WBP4: variants seen among roughly 807,000 people sequenced by gnomAD.
The protein encoded by WBP4 is WW domain binding protein 4, also known as WW domain-binding protein 4.
Under a neutral mutation model 55.4 loss-of-function variants are expected in WBP4, and 37 were observed. That is an observed-to-expected ratio of 0.67 (90% CI 0.51 to 0.88). The LOEUF (loss-of-function observed/expected upper bound fraction) is 0.88, where lower values mean the gene tolerates loss of function less well. WBP4 is among the 40% of genes least tolerant of loss of function. WBP4 has a pLI of 0.00. For synonymous variants in WBP4, 142 were observed against 140.2 expected (o/e 1.01, Z -0.09); for missense variants, 398 against 420.8 (o/e 0.95, Z 0.47).
chr13:41,063,194 C>CTCTGTTAGGTATGTTGT (rs1491180331), intron 2 of WBP4, among the ~76,000 whole-genome samples: 1 of 151,664 alleles, frequency 6.6e-6, no homozygotes, highest in Non-Finnish European at 1.5e-5. Flanking sequence ...AAAGTAACAA[C>CTCTGTTAGGTATGTTGT]TCTGTTAGGT....
At chr13:41,064,221 T>A (rs1342921984) in intron 2 of WBP4, among the ~76,000 whole-genome samples, 4 of 152,158 alleles carry the variant, frequency 2.6e-5, no homozygotes, top group Non-Finnish European at 5.9e-5. Flanking sequence ...GAGCTCCCTT[T>A]GTATCCATAC....
intron 4 of WBP4, among the ~76,000 whole-genome samples, chr13:41,067,357 A>G (rs749462196): frequency 5.9e-5 from 9 of 152,224 alleles, no homozygotes; most frequent in Non-Finnish European, 1.2e-4. Context: ...CAAAACAACA[A>G]CAAAACATTT....
intron 5 of WBP4, among the ~76,000 whole-genome samples, chr13:41,071,173 T>C (rs1878228525): frequency 6.6e-6 from 1 of 152,240 alleles, no homozygotes; most frequent in East Asian, 1.9e-4. Flanking sequence ...TTCTGAGTTC[T>C]TATTCAGTTT....
chr13:41,069,578 C>T (rs1156319337), intron 5 of WBP4, among the ~76,000 whole-genome samples: 1 of 151,426 alleles, frequency 6.6e-6, no homozygotes, highest in African/African-American at 2.4e-5. Flanking sequence ...AGGAGAATGG[C>T]GTGAACCCAG....
chr13:41,071,092 C>T (rs1194946759), intron 5 of WBP4, among the ~76,000 whole-genome samples: 2 of 152,162 alleles, frequency 1.3e-5, no homozygotes, highest in South Asian at 2.1e-4. Context: ...CTCTCTTTTT[C>T]AGCATCCTAC....
intron 9 of WBP4, 38 bp from the exon 10 acceptor site, chr13:41,082,666 C>T (rs1566215953): frequency 6.3e-7 from 1 of 1,599,788 alleles, no homozygotes; most frequent in Non-Finnish European, 8.6e-7. Flanking sequence ...GTTTGTCTTA[C>T]CCTGTCAAAT....
rs555578303 is a variant in WBP4 at position 41,062,136 on chromosome 13, A to G, written c.2+461A>G. On this transcript the variant is annotated intron_variant, in intron 1 of 9. Transcript: ENST00000379487. ...TTTTTTTTTTTTTTGTCGGCCGTCT[A>G]CGAAGTCCCATGGCTTTTCCAGTTC... The G allele has an allele frequency of 7.9e-6, 7 of 885,838 alleles. No homozygotes were observed. In the South Asian group the frequency reaches 2.7e-4, roughly 34 times the overall value. 54.9% of individuals were successfully genotyped at this position (885,838 alleles called of 1,614,324 possible).
chr13:41,062,049 C>G, intron 1 of WBP4: 1 of 968,140 alleles, frequency 1.0e-6, no homozygotes, highest in Non-Finnish European at 1.2e-6. Flanking sequence ...GGCTGGGCTG[C>G]GGCCTCCCCC....
At chr13:41,076,334 A>G (rs1209404109) in intron 8 of WBP4, 97 bp downstream of exon 8, 11 of 977,026 alleles carry the variant, frequency 1.1e-5, no homozygotes, top group Non-Finnish European at 1.4e-5. Context: ...GCTGGAGTAC[A>G]GTGGCACTGT....
chr13:41,065,515 A>G (rs547236169), intron 4 of WBP4, among the ~76,000 whole-genome samples: 1 of 152,198 alleles, frequency 6.6e-6, no homozygotes, highest in East Asian at 1.9e-4. Flanking sequence ...CAGCCATACT[A>G]CTTTTGTGGT....
At chr13:41,079,537 G>A (rs1188164401) in intron 8 of WBP4, among the ~76,000 whole-genome samples, 94 of 89,840 alleles carry the variant, frequency 1.0e-3, no homozygotes, top group Admixed American at 9.8e-3. Context: ...GCAAGACTCC[G>A]TCTCAAAAAA....
intron 4 of WBP4, 36 bp from the exon 5 acceptor site, chr13:41,068,525 T>C: frequency 6.7e-7 from 1 of 1,496,382 alleles, no homozygotes; most frequent in African/African-American, 1.4e-5. Context: ...AAATAGTAGT[T>C]ACTATAGCTG....
chr13:41,076,109 A>G lies in WBP4; in HGVS notation c.628A>G (p.Asn210Asp). ...HTSDLPSSKV[N>D]ENSLGTLDES... ...TAGTGATCTGCCTTCTAGTAAGGTCAATGAAAATTCACTTGGCACCCTAGA... is the reference window on the plus strand; with the variant it reads ...TAGTGATCTGCCTTCTAGTAAGGTCGATGAAAATTCACTTGGCACCCTAGA... Residue 210 changes from asparagine to aspartate, a missense_variant, in exon 8 of 10, where the codon AAT becomes GAT. Coordinates refer to ENST00000379487, the MANE Select transcript of WBP4 (RefSeq NM_007187.5). The G allele has an allele frequency of 6.2e-7, 1 of 1,613,706 alleles. No homozygotes were observed. The highest frequency in any genetic ancestry group is 8.5e-7 in the Non-Finnish European group (1 of 1,179,970).
intron 5 of WBP4, among the ~76,000 whole-genome samples, chr13:41,070,649 T>C (rs558323949): frequency 6.6e-6 from 1 of 152,230 alleles, no homozygotes; most frequent in South Asian, 2.1e-4. Context: ...AGTGTGGAGC[T>C]GAGCAAAATT....
intron 7 of WBP4, among the ~76,000 whole-genome samples, chr13:41,074,242 A>T (rs1395543180): frequency 6.6e-6 from 1 of 152,190 alleles, no homozygotes. Context: ...TAAAACTTTC[A>T]AATTAATGTT....
rs1878885206 is a variant in WBP4, at chr13:41,083,654, A to G, written c.*740A>G. On this transcript the variant is annotated 3_prime_UTR_variant, in exon 10 of 10. Coordinates refer to ENST00000379487, the MANE Select transcript of WBP4 (RefSeq NM_007187.5). ...AGCATATGCCTTTTTTCCCCCAGTC[A>G]TGCACTCTTTTTAGCAGTCTTATAT... 6.6e-6 allele frequency: 1 copy of G among 152,206 alleles called. No homozygotes were observed. Among genetic ancestry groups the G allele is most frequent in the African/African-American group, 2.4e-5 (1 of 41,446 alleles). The allele number at this position is 152,206 out of a possible 1,614,324, so 9.4% of individuals were successfully genotyped here.
intron 2 of WBP4, among the ~76,000 whole-genome samples, chr13:41,062,936 C>T (rs891919304): frequency 6.6e-6 from 1 of 151,980 alleles, no homozygotes; most frequent in Non-Finnish European, 1.5e-5. Flanking sequence ...TTCTCTGTGG[C>T]CTTTTGGGAA....
At chr13:41,067,839 A>C (rs867780635) in intron 4 of WBP4, among the ~76,000 whole-genome samples, 8 of 151,362 alleles carry the variant, frequency 5.3e-5, no homozygotes, top group East Asian at 1.9e-4. Flanking sequence ...TTTTCTTTTT[A>C]TTTTTGTCAT....
chr13:41,063,162 A>G (rs1196051748), intron 2 of WBP4, among the ~76,000 whole-genome samples: 2 of 152,208 alleles, frequency 1.3e-5, no homozygotes, highest in East Asian at 1.9e-4. Flanking sequence ...AAAGAACACC[A>G]TTATTTCCTT....
Sources: allele counts gnomAD v4.1 joint callset (sites outside exome capture counted in the v4.1 genomes callset), GRCh38; gene constraint gnomAD v4.1.1; transcripts MANE v1.5; gene names NCBI Gene and HGNC (gene_info 2026-07-23, HGNC 2026-07-21).